The following CTBP2 variants were observed in gnomAD, a reference collection of about 807,000 sequenced individuals.
The protein encoded by CTBP2 is C-terminal binding protein 2, also known as C-terminal-binding protein 2.
Under a neutral mutation model 80.3 loss-of-function variants are expected in CTBP2, and 30 were observed. The observed-to-expected ratio is 0.37, with a 90% CI of 0.28 to 0.51. The LOEUF (loss-of-function observed/expected upper bound fraction) is 0.51, where lower values mean the gene tolerates loss of function less well. Ranked by LOEUF, CTBP2 falls within the 20% of genes least tolerant of loss-of-function variation. The probability of loss-of-function intolerance (pLI) is 0.93; values close to 1 mark genes in which losing one functional copy is unlikely to be tolerated. For missense variants in CTBP2, 1,212 were observed against 1,375.3 expected, an observed-to-expected ratio of 0.88 and a Z score of 1.88; for synonymous variants, 594 against 587.4, an observed-to-expected ratio of 1.01 and a Z score of -0.16.
chr10:125,056,923 C>T (rs1002020299), intron 2 of CTBP2, among the ~76,000 whole-genome samples: 3 of 152,198 alleles, frequency 2.0e-5, no homozygotes, highest in African/African-American at 4.8e-5. Flanking sequence ...AGGTTCTCTC[C>T]GAGGGACCTG....
At position 125,027,475 on chromosome 10, in the gene CTBP2, T is replaced by C. The variant is rs771635386; in HGVS notation, c.285A>G (p.Arg95=). 3.4e-5 allele frequency: 55 copies of C among 1,614,014 alleles called. No individual in the cohort carries two copies. Among genetic ancestry groups the C allele is most frequent in the Middle Eastern group, 1.6e-4 (1 of 6,084 alleles). Reference sequence around the variant, plus strand: ...GGCTGCGACCAGACATCACTGCCTGTCTGCTGTCGTAGAAGGTGAAGTCAG... The same window carrying C: ...GGCTGCGACCAGACATCACTGCCTGCCTGCTGTCGTAGAAGGTGAAGTCAG... Residue 95 remains arginine, a synonymous_variant, in exon 1 of 9, where the codon AGA becomes AGG. Transcript: ENST00000309035.
Position 124,994,665 on chromosome 10 carries a change from A to G in CTBP2, c.2204T>C (p.Val735Ala). ...TCCAAAGGCCTTGGCTCGAACTGCA[A>G]CCGCCTGCCCCGTGCGACCTGTACA... Residue 735 changes from valine to alanine, a missense_variant, in exon 5 of 9, where the codon GTT becomes GCT. Around this residue, in one of 3 missense-constraint regions of CTBP2, gnomAD observed 335 missense variants for 504.7 expected, o/e 0.66. Coordinates refer to ENST00000309035, the MANE Select transcript of CTBP2 (RefSeq NM_022802.3). The G allele has an allele frequency of 3.7e-6, 6 of 1,614,042 alleles. No homozygotes were observed. Among genetic ancestry groups the G allele is most frequent in the East Asian group, 2.2e-5 (1 of 44,860 alleles).
At chr10:125,093,569 A>G (rs1327882149) in intron 2 of CTBP2, among the ~76,000 whole-genome samples, 1 of 152,230 alleles carries the variant, frequency 6.6e-6, no homozygotes, top group Non-Finnish European at 1.5e-5. Context: ...GAATTTATAA[A>G]TGGCCTTCCT....
chr10:125,036,108 G>C (rs1958839177), intron 3 of CTBP2, among the ~76,000 whole-genome samples: 1 of 152,212 alleles, frequency 6.6e-6, no homozygotes, highest in Non-Finnish European at 1.5e-5. Context: ...TCCGAGTAGA[G>C]ACACAGCCTG....
intron 1 of CTBP2, among the ~76,000 whole-genome samples, chr10:125,126,103 C>T (rs1014989762): frequency 2.0e-5 from 3 of 152,192 alleles, no homozygotes; most frequent in Non-Finnish European, 2.9e-5. Flanking sequence ...ACCACTAGAC[C>T]GCAGTGCAGC....
intron 1 of CTBP2, among the ~76,000 whole-genome samples, chr10:125,142,201 C>T (rs1465671180): frequency 6.6e-6 from 1 of 152,212 alleles, no homozygotes; most frequent in African/African-American, 2.4e-5. Flanking sequence ...ACTGCAGTGA[C>T]TGGCTTTTGG....
chr10:125,111,082 G>A (rs1050105275), exon 2 of CTBP2: 4 of 152,544 alleles, frequency 2.6e-5, no homozygotes, highest in African/African-American at 9.7e-5. Flanking sequence ...AACCATTTAA[G>A]GTGATGAAAC....
chr10:125,024,268 C>T (rs1313572542), intron 1 of CTBP2, among the ~76,000 whole-genome samples: 1 of 152,144 alleles, frequency 6.6e-6, no homozygotes, highest in Non-Finnish European at 1.5e-5. Context: ...AATCAGCATA[C>T]GATAAGGAAT....
At chr10:125,046,465 G>T (rs993228920) in intron 2 of CTBP2, among the ~76,000 whole-genome samples, 7 of 148,028 alleles carry the variant, frequency 4.7e-5, no homozygotes, top group African/African-American at 1.7e-4. Flanking sequence ...TTGAACCCAG[G>T]AAGTGTAGGT....
chr10:125,000,299 A>AT (rs1954278737), intron 3 of CTBP2: 1 of 152,116 alleles, frequency 6.6e-6, no homozygotes, highest in African/African-American at 2.4e-5. Context: ...GCTGTCCTCT[A>AT]TCGCTCTGTG....
chr10:125,153,215 A>G (rs1005799123), intron 1 of CTBP2, among the ~76,000 whole-genome samples: 24 of 152,146 alleles, frequency 1.6e-4, no homozygotes, highest in African/African-American at 5.3e-4. Flanking sequence ...AGTTCCCTCA[A>G]CCGTTCCTGG....
intron 2 of CTBP2, among the ~76,000 whole-genome samples, chr10:125,047,154 T>A (rs961433284): frequency 6.6e-6 from 1 of 150,526 alleles, no homozygotes; most frequent in African/African-American, 2.4e-5. Flanking sequence ...TATTTAATAA[T>A]AAAGGTTAAG....
At chr10:125,138,131 T>G (rs901426562) in intron 1 of CTBP2, 1 of 152,110 alleles carries the variant, frequency 6.6e-6, no homozygotes, top group South Asian at 2.1e-4. Flanking sequence ...GGAAACAAAG[T>G]CCAGGGCAGG....
chr10:124,993,458 GTGA>G (rs1306223280), intron 6 of CTBP2, 129 bp from the exon 9 acceptor site: 14 of 1,065,062 alleles, frequency 1.3e-5, no homozygotes, highest in South Asian at 2.1e-5. Context: ...AGGAACATCT[GTGA>G]TGATATTTTA....
intron 2 of CTBP2, among the ~76,000 whole-genome samples, chr10:125,041,776 C>T (rs1369308238): frequency 3.9e-5 from 6 of 152,248 alleles, no homozygotes; most frequent in Admixed American, 2.6e-4. Flanking sequence ...TCCCCCAACC[C>T]CCGAGTGAGG....
At chr10:124,991,078 G>C in intron 8 of CTBP2, among the ~76,000 whole-genome samples, 1 of 152,352 alleles carries the variant, frequency 6.6e-6, no homozygotes, top group African/African-American at 2.4e-5. Context: ...CGCCTTCCTC[G>C]GAACGCCCAG....
chr10:125,060,120 A>G (rs921590693), intron 2 of CTBP2, among the ~76,000 whole-genome samples: 1 of 152,218 alleles, frequency 6.6e-6, no homozygotes, highest in African/African-American at 2.4e-5. Flanking sequence ...AGAGTGAACA[A>G]TATGGAGAAT....
intron 2 of CTBP2, among the ~76,000 whole-genome samples, chr10:125,060,531 C>G (rs1047533183): frequency 1.3e-5 from 2 of 151,292 alleles, no homozygotes; most frequent in East Asian, 3.9e-4. Context: ...GGCTTACCTG[C>G]AACACTGGTT....
At chr10:125,130,089 C>G (rs965874508) in intron 1 of CTBP2, among the ~76,000 whole-genome samples, 2 of 151,222 alleles carry the variant, frequency 1.3e-5, no homozygotes, top group Non-Finnish European at 2.9e-5. Context: ...CTCTTGTTGC[C>G]CAGGCTGGAG....
Sources: allele counts gnomAD v4.1 joint callset (sites outside exome capture counted in the v4.1 genomes callset), GRCh38; gene constraint gnomAD v4.1.1; regional missense constraint gnomAD v4.1.1; transcripts MANE v1.5; gene names NCBI Gene and HGNC (gene_info 2026-07-23, HGNC 2026-07-21).